The following PCDHA4 variants were observed in gnomAD, a reference collection of about 807,000 sequenced individuals.
The protein encoded by PCDHA4 is protocadherin alpha 4, also known as protocadherin alpha-4.
A neutral mutation model predicts 61.4 loss-of-function variants in PCDHA4; 49 were observed. The observed-to-expected ratio is 0.80, with a 90% CI of 0.63 to 1.01. The LOEUF (loss-of-function observed/expected upper bound fraction) is 1.01, where lower values mean the gene tolerates loss of function less well. Ranked by LOEUF, PCDHA4 falls within the 50% of genes least tolerant of loss-of-function variation. PCDHA4 has a pLI of 0.00. For synonymous variants in PCDHA4, 590 were observed against 550.3 expected, an observed-to-expected ratio of 1.07 and a Z score of -1.01; for missense variants, 1,254 against 1,235.8, an observed-to-expected ratio of 1.01 and a Z score of -0.22.
chr5:140,982,330 A>G (rs1164990385), intron 2 of PCDHA4, 145 bp from the exon 3 acceptor site: 3 of 1,429,408 alleles, frequency 2.1e-6, no homozygotes, highest in Non-Finnish European at 2.8e-6. Flanking sequence ...GTGACTGCTC[A>G]GCAGTAATTG....
chr5:140,807,705 G>A lies in PCDHA4; in HGVS notation c.518G>A (p.Ser173Asn), dbSNP rs1764012692. ...GENALLTYRLSPNEYFSLEKP... is the reference protein window; with the variant it reads ...GENALLTYRLNPNEYFSLEKP... Reference sequence around the variant, plus strand: ...AACGCCCTGCTCACTTACAGACTGAGCCCAAATGAATACTTTTCTCTGGAA... The same window carrying A: ...AACGCCCTGCTCACTTACAGACTGAACCCAAATGAATACTTTTCTCTGGAA... Residue 173 changes from serine (S) to asparagine (N), a missense_variant, in exon 1 of 4, where the codon AGC becomes AAC. By Grantham distance (46) the Ser-to-Asn change is conservative. Transcript: ENST00000530339. The A allele has an allele frequency of 6.2e-7, 1 of 1,614,218 alleles. No homozygotes were observed. Among genetic ancestry groups the A allele is most frequent in the Non-Finnish European group, 8.5e-7 (1 of 1,180,032 alleles).
At chr5:140,877,391 C>T (rs782042077) in intron 1 of PCDHA4, 21 of 1,613,950 alleles carry the variant, frequency 1.3e-5, no homozygotes, top group Non-Finnish European at 1.8e-5. Flanking sequence ...CTGGATGAGG[C>T]GGACGCTCCG....
chr5:140,931,578 C>T (rs2087609680), intron 1 of PCDHA4, among the ~76,000 whole-genome samples: 1 of 152,008 alleles, frequency 6.6e-6, no homozygotes, highest in South Asian at 2.1e-4. Flanking sequence ...CCCATTCATT[C>T]AGTTGAACAG....
At chr5:140,871,624 A>C in intron 1 of PCDHA4, 2 of 1,409,596 alleles carry the variant, frequency 1.4e-6, no homozygotes, top group Non-Finnish European at 9.4e-7. Context: ...TTTAGATAAC[A>C]ATGTCTGTTC....
intron 3 of PCDHA4, among the ~76,000 whole-genome samples, chr5:140,983,949 T>TA (rs1554245835): frequency 1.3e-5 from 2 of 152,176 alleles, no homozygotes. Flanking sequence ...ACAATTCAAC[T>TA]AAAAGTCACA....
At chr5:140,995,629 T>C (rs1333793289) in intron 3 of PCDHA4, among the ~76,000 whole-genome samples, 1 of 152,164 alleles carries the variant, frequency 6.6e-6, no homozygotes, top group Admixed American at 6.5e-5. Context: ...TTGGAAACTT[T>C]GGAGTGTTTA....
chr5:140,950,917 A>G (rs1270492994), intron 1 of PCDHA4, among the ~76,000 whole-genome samples: 10 of 151,524 alleles, frequency 6.6e-5, no homozygotes, highest in African/African-American at 2.4e-4. Context: ...ATTTTATTTC[A>G]GTTCTTTTTC....
At chr5:140,830,868 G>A (rs2150190199) in intron 1 of PCDHA4, 7 of 153,410 alleles carry the variant, frequency 4.6e-5, no homozygotes, top group African/African-American at 9.6e-5. Context: ...ATCATATATT[G>A]AAATTTGAGC....
chr5:140,957,327 A>G (rs1554222920), intron 1 of PCDHA4, among the ~76,000 whole-genome samples: 1 of 152,182 alleles, frequency 6.6e-6, no homozygotes, highest in East Asian at 1.9e-4. Context: ...AGCACAGTAC[A>G]GTAAGATATT....
chr5:140,842,688 C>T (rs2150342065), intron 1 of PCDHA4: 3 of 1,595,284 alleles, frequency 1.9e-6, no homozygotes, highest in Non-Finnish European at 1.7e-6. Flanking sequence ...CCGGCGTTCG[C>T]GCAGCCCGAG....
At chr5:140,980,284 T>C (rs1226756896) in intron 2 of PCDHA4, among the ~76,000 whole-genome samples, 6 of 152,182 alleles carry the variant, frequency 3.9e-5, no homozygotes, top group African/African-American at 1.4e-4. Flanking sequence ...TCTTGAAAAG[T>C]ACCAAAGCTA....
intron 1 of PCDHA4, among the ~76,000 whole-genome samples, chr5:140,818,380 G>C (rs2150101126): frequency 6.6e-6 from 1 of 152,074 alleles, no homozygotes; most frequent in Non-Finnish European, 1.5e-5. Flanking sequence ...TTGAATCGTG[G>C]CATTTTTCCA....
At chr5:140,915,083 C>G (rs2076973100) in intron 1 of PCDHA4, among the ~76,000 whole-genome samples, 1 of 151,628 alleles carries the variant, frequency 6.6e-6, no homozygotes, top group African/African-American at 2.4e-5. Flanking sequence ...GTAGCTGGGA[C>G]TATGGGCACG....
At chr5:140,851,158 C>A in intron 1 of PCDHA4, 1 of 1,299,046 alleles carries the variant, frequency 7.7e-7, no homozygotes, top group Non-Finnish European at 9.9e-7. Flanking sequence ...ATTTCTGATG[C>A]TATGCTGCCA....
chr5:140,857,944 G>C, intron 1 of PCDHA4: 1 of 1,597,474 alleles, frequency 6.3e-7, no homozygotes, highest in South Asian at 1.1e-5. Flanking sequence ...AGATCAGTAC[G>C]ACGCGCGCTC....
At chr5:140,834,347 AG>A (rs2150215572) in intron 1 of PCDHA4, 2 of 1,523,758 alleles carry the variant, frequency 1.3e-6, no homozygotes, top group South Asian at 2.6e-5. Flanking sequence ...TTCGAAGGCA[AG>A]TTTTGCTGAC....
rs2084561103 is a variant in PCDHA4 at position 140,927,726 on chromosome 5, A to G, written c.2386-51223A>G. On this transcript the variant is annotated intron_variant, in intron 1 of 3. Transcript: ENST00000530339. ...ACTCCCTAAGCAACAGCACGCAAGCAGAGCTGCGACACCGCTTTCACGTGC... is the reference window on the plus strand; with the variant it reads ...ACTCCCTAAGCAACAGCACGCAAGCGGAGCTGCGACACCGCTTTCACGTGC... 6 of 1,614,220 alleles carry G rather than the reference A, an allele frequency of 3.7e-6. No individual in the cohort carries two copies. The African/African-American group carries it at 8.0e-5, about 22-fold the overall frequency.
At chr5:140,929,122 G>A (rs782041922) in intron 1 of PCDHA4, 24 of 1,614,096 alleles carry the variant, frequency 1.5e-5, no homozygotes, top group Non-Finnish European at 1.8e-5. Flanking sequence ...CACCATAGAT[G>A]TCACTACAGT....
Position 140,969,197 on chromosome 5 carries a change from A to G in PCDHA4, c.2386-9752A>G, listed in dbSNP as rs782342139. 4 of 1,614,132 alleles carry G rather than the reference A, an allele frequency of 2.5e-6. No individual in the cohort carries two copies. In the South Asian group the frequency reaches 4.4e-5, roughly 18 times the overall value. On this transcript the variant is annotated intron_variant, in intron 1 of 3. Coordinates refer to ENST00000530339, the MANE Select transcript of PCDHA4 (RefSeq NM_018907.4). ...GAGTGACACTTTCATGTTTTACAAT[A>G]CAGGGGCCCAGACAGGACCAGGGCC...
Sources: allele counts gnomAD v4.1 joint callset (sites outside exome capture counted in the v4.1 genomes callset), GRCh38; gene constraint gnomAD v4.1.1; transcripts MANE v1.5; gene names NCBI Gene and HGNC (gene_info 2026-07-23, HGNC 2026-07-21).